Variants in LRMDA observed in about 807,000 individuals in gnomAD.
The protein encoded by LRMDA is leucine-rich melanocyte differentiation-associated protein.
A neutral mutation model predicts 29.8 loss-of-function variants in LRMDA; 18 were observed. That is an observed-to-expected ratio of 0.60 (90% CI 0.42 to 0.90). LRMDA has a LOEUF of 0.90. LRMDA is among the 40% of genes least tolerant of loss of function. The pLI is 0.00. For synonymous variants in LRMDA, 125 were observed against 109.4 expected, an observed-to-expected ratio of 1.14 and a Z score of -0.89; for missense variants, 273 against 273.9, an observed-to-expected ratio of 1.00 and a Z score of 0.02.
chr10:76,372,097 G>A (rs752352390), intron 6 of LRMDA, among the ~76,000 whole-genome samples: 3 of 152,162 alleles, frequency 2.0e-5, no homozygotes, highest in African/African-American at 7.2e-5. Flanking sequence ...TAGCCACCTA[G>A]TGAGCAGCTT....
chr10:75,837,647 T>C (rs1844463501), intron 2 of LRMDA, among the ~76,000 whole-genome samples: 1 of 152,158 alleles, frequency 6.6e-6, no homozygotes, highest in African/African-American at 2.4e-5. Flanking sequence ...GATAAATGCT[T>C]GAAGTGATGG....
chr10:76,176,827 C>T (rs1385747016), intron 5 of LRMDA, among the ~76,000 whole-genome samples: 8 of 152,120 alleles, frequency 5.3e-5, no homozygotes, highest in South Asian at 2.1e-4. Context: ...CAAGGTAGAC[C>T]GTAACCCAAG....
At chr10:76,171,670 T>G (rs76647307) in intron 5 of LRMDA, among the ~76,000 whole-genome samples, 5,392 of 152,286 alleles carry the variant, frequency 0.035, 107 homozygotes, top group Middle Eastern at 0.085. Flanking sequence ...GGGTGATTCT[T>G]TAAGTTGGTG....
chr10:76,434,663 A>G (rs905481868), intron 6 of LRMDA, among the ~76,000 whole-genome samples: 1 of 152,210 alleles, frequency 6.6e-6, no homozygotes, highest in African/African-American at 2.4e-5. Context: ...AGCATTTACC[A>G]TTGGCCAGGC....
chr10:75,518,143 A>G (rs1479181680), intron 2 of LRMDA, among the ~76,000 whole-genome samples: 1 of 152,172 alleles, frequency 6.6e-6, no homozygotes, highest in African/African-American at 2.4e-5. Context: ...TTCATCAGTG[A>G]TATTGGTCTA....
intron 5 of LRMDA, among the ~76,000 whole-genome samples, chr10:76,136,622 A>AGGC (rs1554850163): frequency 6.6e-6 from 1 of 151,704 alleles, no homozygotes; most frequent in Non-Finnish European, 1.5e-5. Context: ...ATTAAAAAAA[A>AGGC]AGCAAAAATG....
At chr10:75,956,173 GC>G (rs1392746306) in intron 2 of LRMDA, among the ~76,000 whole-genome samples, 3 of 152,190 alleles carry the variant, frequency 2.0e-5, no homozygotes, top group Admixed American at 2.0e-4. Flanking sequence ...ACAAATGTTT[GC>G]AGGAACTCTC....
intron 2 of LRMDA, among the ~76,000 whole-genome samples, chr10:75,741,240 C>T (rs1439782119): frequency 6.6e-6 from 1 of 152,184 alleles, no homozygotes; most frequent in African/African-American, 2.4e-5. Context: ...TCTGTCATGT[C>T]GTTAGCAGAA....
intron 6 of LRMDA, among the ~76,000 whole-genome samples, chr10:76,431,859 A>T (rs947063685): frequency 1.3e-5 from 2 of 152,104 alleles, no homozygotes; most frequent in Non-Finnish European, 2.9e-5. Context: ...GTTTCACAAG[A>T]TTTTATGGCT....
At chr10:76,545,121 G>C (rs1843403490) in intron 6 of LRMDA, among the ~76,000 whole-genome samples, 1 of 151,750 alleles carries the variant, frequency 6.6e-6, no homozygotes, top group Admixed American at 6.6e-5. Context: ...GACAAACCCA[G>C]TTGTTACAGG....
At chr10:76,054,365 A>G (rs1402367423) in intron 4 of LRMDA, among the ~76,000 whole-genome samples, 1 of 152,080 alleles carries the variant, frequency 6.6e-6, no homozygotes, top group Admixed American at 6.5e-5. Flanking sequence ...CTTCGATTGT[A>G]TAAGAAGAGT....
chr10:75,739,709 G>A (rs771164015), intron 2 of LRMDA, among the ~76,000 whole-genome samples: 10 of 152,184 alleles, frequency 6.6e-5, no homozygotes, highest in African/African-American at 2.4e-4. Flanking sequence ...GAATGTTTTT[G>A]TGACTGAAGC....
chr10:75,694,260 A>C (rs11001473), intron 2 of LRMDA, among the ~76,000 whole-genome samples: 6,092 of 152,206 alleles, frequency 0.04, 314 homozygotes, highest in African/African-American at 0.12. Flanking sequence ...GAAAGTTGAG[A>C]TGCAGCATTT....
chr10:76,534,125 A>G (rs1417247126), intron 6 of LRMDA, among the ~76,000 whole-genome samples: 1 of 152,218 alleles, frequency 6.6e-6, no homozygotes, highest in African/African-American at 2.4e-5. Context: ...ACTCACAGTA[A>G]AATTAACCTT....
intron 2 of LRMDA, among the ~76,000 whole-genome samples, chr10:75,796,378 G>A (rs1285939605): frequency 2.0e-5 from 3 of 152,114 alleles, no homozygotes; most frequent in African/African-American, 7.2e-5. Context: ...AGTTTATCAT[G>A]AATGGGTATT....
In LRMDA at chr10:76,299,395, A is replaced by C. The variant is rs543085082; in HGVS notation, c.517-25006A>C. On this transcript the variant is annotated intron_variant, in intron 5 of 6. Transcript: ENST00000611255. ...ATGCCATTTTACTTTATCTAGATAC[A>C]CCACTGTCTTCCAGTTAATCATAGC... 5.9e-5 allele frequency among the ~76,000 whole-genome samples: 9 copies of C among 152,232 alleles called. No individual in the cohort carries two copies. The South Asian group carries it at 1.5e-3, about 25-fold the overall frequency.
chr10:75,887,211 G>T (rs1277876090), intron 2 of LRMDA, among the ~76,000 whole-genome samples: 4 of 150,852 alleles, frequency 2.7e-5, no homozygotes, highest in Non-Finnish European at 5.9e-5. Context: ...TAATATATAT[G>T]AATGAATTTA....
At chr10:75,596,096 A>G (rs1840784307) in intron 2 of LRMDA, among the ~76,000 whole-genome samples, 1 of 152,204 alleles carries the variant, frequency 6.6e-6, no homozygotes, top group Admixed American at 6.5e-5. Flanking sequence ...ATGTGAATGA[A>G]TAAATGAAGA....
chr10:75,467,611 A>G (rs1337830240), intron 2 of LRMDA, among the ~76,000 whole-genome samples: 2 of 152,162 alleles, frequency 1.3e-5, no homozygotes, highest in Non-Finnish European at 2.9e-5. Context: ...GGTTCCTGGA[A>G]GACCCCATGC....
Sources: allele counts gnomAD v4.1 joint callset (sites outside exome capture counted in the v4.1 genomes callset), GRCh38; gene constraint gnomAD v4.1.1; transcripts MANE v1.5; gene names NCBI Gene and HGNC (gene_info 2026-07-23, HGNC 2026-07-21).